The following TRAF7 variants were observed in gnomAD, a reference collection of about 807,000 sequenced individuals.
The protein encoded by TRAF7 is TNF receptor associated factor 7, also known as E3 ubiquitin-protein ligase TRAF7.
A neutral mutation model predicts 89.3 loss-of-function variants in TRAF7; 45 were observed. That is an observed-to-expected ratio of 0.50 (90% CI 0.40 to 0.65). The LOEUF (loss-of-function observed/expected upper bound fraction) is 0.65. Ranked by LOEUF, TRAF7 falls within the 30% of genes least tolerant of loss-of-function variation. The pLI, the probability that TRAF7 is intolerant of heterozygous loss-of-function variation, is 0.00. For missense variants in TRAF7, 677 were observed against 918.1 expected, an observed-to-expected ratio of 0.74 and a Z score of 3.39; for synonymous variants, 406 against 369.2, an observed-to-expected ratio of 1.10 and a Z score of -1.14.
At position 2,172,330 on chromosome 16, in the gene TRAF7, G is replaced by A. The variant is rs778402518; in HGVS notation, c.615G>A (p.Val205=). Residue 205 remains valine (V), a synonymous_variant, in exon 8 of 21, where the codon GTG becomes GTA. Coordinates refer to ENST00000326181, the MANE Select transcript of TRAF7 (RefSeq NM_032271.3). ...GCGGGAAGCCCCCCATCTTTGAGGT[G>A]GACCCCCGAGGGTGCCCCTTCACCA... ...AGSGKPPIFE[V]DPRGCPFTIK... The A allele has an allele frequency of 1.9e-6, 3 of 1,612,358 alleles. No homozygotes were observed. Among genetic ancestry groups the A allele is most frequent in the Non-Finnish European group, 2.5e-6 (3 of 1,179,906 alleles).
At chr16:2,167,902 G>T (rs1447166810) in intron 3 of TRAF7, among the ~76,000 whole-genome samples, 175 bp from the exon 4 acceptor site, 1 of 152,024 alleles carries the variant, frequency 6.6e-6, no homozygotes, top group Non-Finnish European at 1.5e-5. Flanking sequence ...GTTTGACCTT[G>T]AGAGGGAACC....
In TRAF7 at chr16:2,162,315, G is replaced by A. The variant is rs151221290; in HGVS notation, c.-38-1568G>A. On this transcript the variant is annotated intron_variant, in intron 1 of 20. Coordinates refer to ENST00000326181, the MANE Select transcript of TRAF7 (RefSeq NM_032271.3). The surrounding 1 kb of genome is among the most constrained non-coding windows in gnomAD (Gnocchi z 5.0). ...GGTGCAGGGAACCAAGGGCTTGAGAGCCAGCCCCTCCCTGCACACCTGTAG... is the reference window on the plus strand; with the variant it reads ...GGTGCAGGGAACCAAGGGCTTGAGAACCAGCCCCTCCCTGCACACCTGTAG... Among the ~76,000 whole-genome samples, 774 of 151,474 alleles carry A rather than the reference G, an allele frequency of 5.1e-3. 9 individuals are homozygous for A. Among genetic ancestry groups the A allele is most frequent in the South Asian group, 8.3e-3 (40 of 4,828 alleles).
intron 14 of TRAF7, among the ~76,000 whole-genome samples, chr16:2,174,690 C>T (rs73498164): frequency 1.3e-5 from 2 of 152,326 alleles, no homozygotes; most frequent in African/African-American, 4.8e-5. Flanking sequence ...ATAGAGACTA[C>T]GGAGCAACTA....
rs770379258 is a variant in TRAF7, at chr16:2,173,489, G to C, written c.1021G>C (p.Asp341His). 6.2e-7 allele frequency: 1 copy of C among 1,613,380 alleles called. No homozygotes were observed. The highest frequency in any genetic ancestry group is 1.1e-5 in the South Asian group (1 of 91,086). ...KSLELKFDVL[D>H]ENQSKLSEDL... The stretch of plus-strand genomic sequence containing the variant: ...CTCCTCCTGCTACTCAGACGTCCTG[G>C]ACGAAAACCAGAGCAAGCTCAGCGA... Residue 341 changes from aspartate (D) to histidine (H), a missense_variant, in exon 11 of 21, where the codon GAC becomes CAC. This residue lies in a region of TRAF7 where 238 missense variants were observed against 352.6 expected (regional missense o/e 0.67). Coordinates refer to ENST00000326181, the MANE Select transcript of TRAF7 (RefSeq NM_032271.3).
intron 15 of TRAF7, 66 bp from the exon 16 acceptor site, chr16:2,175,235 G>C: frequency 1.2e-6 from 2 of 1,612,412 alleles, no homozygotes; most frequent in Non-Finnish European, 1.7e-6. Context: ...GTTTCTCCCC[G>C]TCTGGGCTCC....
rs202075312 is a variant in TRAF7 at position 2,165,956 on chromosome 16, C to A, written c.139+20C>A. 4.3e-5 allele frequency: 70 copies of A among 1,613,950 alleles called. No homozygotes were observed. In the East Asian group the frequency reaches 1.5e-3, roughly 35 times the overall value. On this transcript the variant is annotated intron_variant, in intron 3 of 20. Coordinates refer to ENST00000326181, the MANE Select transcript of TRAF7 (RefSeq NM_032271.3). ...CAAAAGGTGAGCCCTTAAGCCAAGGCCAGCCCAGGCTGGGAATAACCGGGG... is the reference window on the plus strand; with the variant it reads ...CAAAAGGTGAGCCCTTAAGCCAAGGACAGCCCAGGCTGGGAATAACCGGGG...
chr16:2,169,074 C>T (rs936044832), intron 4 of TRAF7, among the ~76,000 whole-genome samples: 1 of 152,160 alleles, frequency 6.6e-6, no homozygotes, highest in Admixed American at 6.5e-5. Flanking sequence ...CAACCTCCGC[C>T]TCCCGGGTTT....
In TRAF7 at chr16:2,168,450, G is replaced by A; in HGVS notation, c.231+282G>A. On this transcript the variant is annotated intron_variant, in intron 4 of 20. Coordinates refer to ENST00000326181, the MANE Select transcript of TRAF7 (RefSeq NM_032271.3). This position sits in a 1 kb window ranked among gnomAD's most constrained non-coding sequence, Gnocchi z 4.1. ...AGGCATATTTGGCTCCATCTTAAGG[G>A]AGGTGGAAACCACAGAAAGTTCAGT... The A allele has an allele frequency of 2.5e-6, 1 of 398,434 alleles. No homozygotes were observed. The highest frequency in any genetic ancestry group is 3.0e-5 in the South Asian group (1 of 32,958). The allele number at this position is 398,434 out of a possible 1,614,324, so 24.7% of individuals were successfully genotyped here.
chr16:2,169,329 G>C (rs2093099036), intron 4 of TRAF7, among the ~76,000 whole-genome samples: 1 of 152,164 alleles, frequency 6.6e-6, no homozygotes, highest in Non-Finnish European at 1.5e-5. Context: ...CTGTGTGCCG[G>C]GCGCTGTGCT....
Position 2,173,920 on chromosome 16 carries a change from G to C in TRAF7, c.1136-1G>C. 1 of 1,477,220 alleles carries C rather than the reference G, an allele frequency of 6.8e-7. No individual in the cohort carries two copies. The highest frequency in any genetic ancestry group is 9.1e-7 in the Non-Finnish European group (1 of 1,102,352). 91.5% of individuals were successfully genotyped at this position (1,477,220 alleles called of 1,614,324 possible). ...TTCACCCACTGCTCCCATCTCTGCA[G>C]CCTACGACCCTCAGCAGATCTTCAA... is the stretch of plus-strand genomic sequence containing the variant. On this transcript the variant is annotated splice_acceptor_variant, in intron 12 of 20. Coordinates refer to ENST00000326181, the MANE Select transcript of TRAF7 (RefSeq NM_032271.3). LOFTEE classifies it high-confidence loss of function.
chr16:2,174,193 C>G (rs1180904610), intron 13 of TRAF7, 58 bp from the exon 14 acceptor site: 4 of 1,595,474 alleles, frequency 2.5e-6, no homozygotes, highest in Non-Finnish European at 3.4e-6. Flanking sequence ...TCCTGTCATG[C>G]TGCCCCTTGA....
intron 5 of TRAF7, 89 bp downstream of exon 5, chr16:2,170,819 C>T: frequency 1.6e-6 from 2 of 1,279,270 alleles, no homozygotes; most frequent in South Asian, 1.3e-5. Context: ...CCATGCCCGC[C>T]CAGCTCACAG....
rs537950972 is a variant in TRAF7 at position 2,158,075 on chromosome 16, C to T, written c.-39+2217C>T. On this transcript the variant is annotated intron_variant, in intron 1 of 20. Coordinates refer to ENST00000326181, the MANE Select transcript of TRAF7 (RefSeq NM_032271.3). This position sits in a 1 kb window ranked among gnomAD's most constrained non-coding sequence, Gnocchi z 4.7. ...CTTTGAACCCAGCTCTGTCTGAGCC[C>T]AGTGCCTGTGGCCTTGACCACGGTG... 6.6e-6 allele frequency among the ~76,000 whole-genome samples: 1 copy of T among 152,310 alleles called. No homozygotes were observed. The highest frequency in any genetic ancestry group is 2.1e-4 in the South Asian group (1 of 4,824).
Position 2,163,911 on chromosome 16 carries a change from T to G in TRAF7, c.-10T>G. On this transcript the variant is annotated 5_prime_UTR_variant, in exon 2 of 21. Transcript: ENST00000326181. The surrounding 1 kb of genome is among the most constrained non-coding windows in gnomAD (Gnocchi z 4.3). The stretch of plus-strand genomic sequence containing the variant: ...GTGCTTCCCAAGGACCGTAGATGCC[T>G]CTCTAGAGCATGAGCTCAGGCAAGA... 6.2e-7 allele frequency: 1 copy of G among 1,611,462 alleles called. No homozygotes were observed. The highest frequency in any genetic ancestry group is 8.5e-7 in the Non-Finnish European group (1 of 1,179,250).
At chr16:2,164,024 G>A in intron 2 of TRAF7, 23 bp downstream of exon 2, 2 of 1,594,270 alleles carry the variant, frequency 1.3e-6, no homozygotes, top group Non-Finnish European at 1.7e-6. Context: ...CCCTCTGCAA[G>A]CCCAACATCC....
intron 2 of TRAF7, among the ~76,000 whole-genome samples, 172 bp downstream of exon 2, chr16:2,164,173 CGCGCGCGCACGCGTGCGTGT>C (rs1321153464): frequency 8.2e-6 from 1 of 121,458 alleles, no homozygotes; most frequent in Non-Finnish European, 1.7e-5. Flanking sequence ...CGCGCGCGCG[CGCGCGCGCACGCGTGCGTGT>C]GTGGTTGGGG....
rs891833690 is a variant in TRAF7, at chr16:2,158,283, G to A, written c.-39+2425G>A. The stretch of plus-strand genomic sequence containing the variant: ...TGGAGAGGGACCCACCAACCCCTTA[G>A]TCTTTGACAGATCCGCTGCTGTCCC... On this transcript the variant is annotated intron_variant, in intron 1 of 20. Coordinates refer to ENST00000326181, the MANE Select transcript of TRAF7 (RefSeq NM_032271.3). This position sits in a 1 kb window ranked among gnomAD's most constrained non-coding sequence, Gnocchi z 4.7. 2.0e-4 allele frequency among the ~76,000 whole-genome samples: 31 copies of A among 152,224 alleles called. No individual in the cohort carries two copies. The highest frequency in any genetic ancestry group is 5.5e-4 in the African/African-American group (23 of 41,452).
At chr16:2,173,859 T>TTGCCCCCCCCCCCCCCC in intron 12 of TRAF7, 23 bp downstream of exon 12, 1 of 1,246,258 alleles carries the variant, frequency 8.0e-7, no homozygotes, top group Non-Finnish European at 1.1e-6. Context: ...CCGCCGTGGC[T>TTGCCCCCCCCCCCCCCC]CCCGCCCACC....
intron 20 of TRAF7, 23 bp from the exon 21 acceptor site, chr16:2,176,537 G>A (rs748253708): frequency 1.2e-6 from 2 of 1,613,320 alleles, no homozygotes; most frequent in Admixed American, 3.3e-5. Flanking sequence ...GGACATCCTG[G>A]TGAAGCAGCC....
Sources: allele counts gnomAD v4.1 joint callset (sites outside exome capture counted in the v4.1 genomes callset), GRCh38; gene constraint gnomAD v4.1.1; regional missense constraint gnomAD v4.1.1; non-coding constraint Gnocchi (gnomAD v3.1); transcripts MANE v1.5; gene names NCBI Gene and HGNC (gene_info 2026-07-23, HGNC 2026-07-21).